ARRDC2: variants seen among roughly 807,000 people sequenced by gnomAD.
ARRDC2 encodes arrestin domain-containing protein 2.
ARRDC2 carries 39 observed loss-of-function variants against 38.9 expected under a neutral mutation model. The observed-to-expected ratio is 1.00, with a 90% confidence interval of 0.78 to 1.31. ARRDC2 has a LOEUF of 1.31. Ranked by LOEUF, ARRDC2 falls within the 50% of genes most tolerant of loss-of-function variation. The pLI is 0.00. For missense variants in ARRDC2, 553 were observed against 588.4 expected, an observed-to-expected ratio of 0.94 and a Z score of 0.62; for synonymous variants, 300 against 261.9, an observed-to-expected ratio of 1.15 and a Z score of -1.41.
intron 7 of ARRDC2, among the ~76,000 whole-genome samples, chr19:18,012,335 C>G (rs998935787): frequency 1.3e-5 from 2 of 151,676 alleles, no homozygotes; most frequent in Non-Finnish European, 1.5e-5. Flanking sequence ...GCCTGTAATC[C>G]CAGCACTTTG....
intron 7 of ARRDC2, among the ~76,000 whole-genome samples, chr19:18,012,453 G>A (rs1260745868): frequency 6.6e-6 from 1 of 152,018 alleles, no homozygotes; most frequent in African/African-American, 2.4e-5. Flanking sequence ...TGGGTGTGGT[G>A]GCATCCACCT....
rs1361921716 is a variant in ARRDC2 at position 18,010,219 on chromosome 19, G to A, written c.873G>A (p.Thr291=). Residue 291 remains threonine, a synonymous_variant, in exon 6 of 8, where the codon ACG becomes ACA. Transcript: ENST00000222250. ...ALKVCVDIPG[T]SKLLLELPLV... is the part of the protein sequence containing the mutation. ...AGGTCTGTGTGGATATCCCAGGAAC[G>A]TCCAAGCTGCTGCTGGAGCTGCCAC... is the stretch of plus-strand genomic sequence containing the variant. The A allele has an allele frequency of 5.0e-6, 8 of 1,613,476 alleles. No individual in the cohort carries two copies. Among genetic ancestry groups the A allele is most frequent in the South Asian group, 1.1e-5 (1 of 91,066 alleles).
chr19:18,007,929 C>T (rs750546436), upstream of ARRDC2: 124 of 332,484 alleles, frequency 3.7e-4, no homozygotes, highest in South Asian at 7.7e-4. Context: ...TTCCTCTTTA[C>T]CCCCGGGGTC....
At position 18,009,806 on chromosome 19, in the gene ARRDC2, G is replaced by T. The variant is rs781293053; in HGVS notation, c.616G>T (p.Glu206Ter). ...AGGAGAGGTCATCCCTGTCTTTGCCGAGATCGACAACGGCTCCACACGTCC... is the reference window on the plus strand; with the variant it reads ...AGGAGAGGTCATCCCTGTCTTTGCCTAGATCGACAACGGCTCCACACGTCC... ...TPGEVIPVFA[E>*]IDNGSTRPVL... The change falls in exon 5 of 8, where the codon GAG becomes TAG. Residue 206 changes from glutamate to a stop codon, truncating the protein, a stop_gained. Transcript: ENST00000222250. LOFTEE classifies it high-confidence loss of function. 1 of 1,612,658 alleles carries T rather than the reference G, an allele frequency of 6.2e-7. No individual in the cohort carries two copies. The highest frequency in any genetic ancestry group is 8.5e-7 in the Non-Finnish European group (1 of 1,179,922).
In ARRDC2 at chr19:18,009,638, G is replaced by C. The variant is rs1254325088; in HGVS notation, c.536G>C (p.Cys179Ser). 1 of 1,610,886 alleles carries C rather than the reference G, an allele frequency of 6.2e-7. No homozygotes were observed. Among genetic ancestry groups the C allele is most frequent in the Non-Finnish European group, 8.5e-7 (1 of 1,177,674 alleles). The change falls in exon 4 of 8, where the codon TGT (cysteine) becomes TCT (serine). Residue 179 changes from cysteine to serine, a missense_variant. By Grantham distance (112) the Cys-to-Ser change is moderately radical. Transcript: ENST00000222250. Reference sequence around the variant, plus strand: ...GAAAAGGTTGCCCGATCCTGGTACTGTAACCGTGGCCTAGTCTCCCTTTCG... The same window carrying C: ...GAAAAGGTTGCCCGATCCTGGTACTCTAACCGTGGCCTAGTCTCCCTTTCG... ...AREKVARSWY[C>S]NRGLVSLSAK...
exon 1 of ARRDC2, chr19:18,001,159 C>T (rs968616460): frequency 2.4e-6 from 2 of 816,414 alleles, no homozygotes; most frequent in Non-Finnish European, 3.1e-6. Flanking sequence ...GACGCGCCCG[C>T]CCTGGGCCAC....
At chr19:18,001,594 C>G in intron 1 of ARRDC2, 1 of 1,305,044 alleles carries the variant, frequency 7.7e-7, no homozygotes, top group Non-Finnish European at 9.8e-7. Context: ...CGTCGCGCCG[C>G]CCCCGCAGCA....
chr19:18,010,437 G>C, intron 6 of ARRDC2, 79 bp downstream of exon 6: 2 of 1,562,098 alleles, frequency 1.3e-6, no homozygotes, highest in Non-Finnish European at 1.7e-6. Context: ...CTCTCACCAC[G>C]AGTCCCCCGG....
chr19:18,013,154 T>TA lies in ARRDC2; in HGVS notation c.*189dup. Reference sequence around the variant, plus strand: ...GGAAGAGCCCGGCTGGAATCTGACTTACCTGGACCGCTGTCCTTGTGAGGC... The same window carrying TA: ...GGAAGAGCCCGGCTGGAATCTGACTTAACCTGGACCGCTGTCCTTGTGAGGC... On this transcript the variant is annotated 3_prime_UTR_variant, in exon 8 of 8. Transcript: ENST00000222250. 2 of 608,634 alleles carry TA rather than the reference T, an allele frequency of 3.3e-6. No homozygotes were observed. The highest frequency in any genetic ancestry group is 5.9e-5 in the Admixed American group (2 of 33,780). The allele number at this position is 608,634 out of a possible 1,614,324, so 37.7% of individuals were successfully genotyped here.
chr19:18,011,148 C>T (rs2033403880), intron 7 of ARRDC2, among the ~76,000 whole-genome samples: 1 of 152,178 alleles, frequency 6.6e-6, no homozygotes, highest in South Asian at 2.1e-4. Context: ...CAGGTGTTAG[C>T]CACCACACGT....
At chr19:18,010,491 C>T (rs1013335375) in intron 6 of ARRDC2, 81 bp from the exon 7 acceptor site, 3 of 1,564,898 alleles carry the variant, frequency 1.9e-6, no homozygotes, top group South Asian at 2.3e-5. Context: ...CCAGAGCTGG[C>T]ACAAGCCAGC....
upstream of ARRDC2, among the ~76,000 whole-genome samples, chr19:18,005,964 C>G (rs547989307): frequency 8.8e-5 from 12 of 136,844 alleles, no homozygotes; most frequent in Non-Finnish European, 1.3e-4. Flanking sequence ...GCGGCCGGGC[C>G]GAGGCTCTCC....
At chr19:18,006,597 A>C (rs551184881), upstream of ARRDC2, among the ~76,000 whole-genome samples, 2 of 151,688 alleles carry the variant, frequency 1.3e-5, no homozygotes, top group East Asian at 3.9e-4. Flanking sequence ...TCGGCATGAG[A>C]GGGAGACCGT....
At chr19:18,004,409 G>A (rs1182452919), upstream of ARRDC2, among the ~76,000 whole-genome samples, 4 of 148,192 alleles carry the variant, frequency 2.7e-5, no homozygotes, top group African/African-American at 7.4e-5. Context: ...CACCACACCC[G>A]GTAAATTTTG....
rs915910398 is a variant in ARRDC2 at position 18,011,818 on chromosome 19, T to G, written c.1170+1089T>G. On this transcript the variant is annotated intron_variant, in intron 7 of 7. Coordinates refer to ENST00000222250, the MANE Select transcript of ARRDC2 (RefSeq NM_015683.2). ...AGGCTGCAGTGAGCAATGATTGTGCTACTACATACTCCAGTCTGGGAGACA... is the reference window on the plus strand; with the variant it reads ...AGGCTGCAGTGAGCAATGATTGTGCGACTACATACTCCAGTCTGGGAGACA... Among the ~76,000 whole-genome samples, 10 of 151,690 alleles carry G rather than the reference T, an allele frequency of 6.6e-5. 1 individual carries two copies. The highest frequency in any genetic ancestry group is 6.6e-4 in the Admixed American group (10 of 15,206).
upstream of ARRDC2, among the ~76,000 whole-genome samples, chr19:18,006,512 G>C (rs1347479998): frequency 2.0e-5 from 3 of 152,182 alleles, no homozygotes; most frequent in East Asian, 3.8e-4. Context: ...GCAGGCACTC[G>C]GCAGGCTGAG....
intron 7 of ARRDC2, among the ~76,000 whole-genome samples, chr19:18,011,952 A>ATATTT (rs1408676551): frequency 3.0e-5 from 3 of 100,752 alleles, no homozygotes; most frequent in African/African-American, 8.5e-5. Context: ...ATATATATAT[A>ATATTT]TTTTTTTTTT....
At chr19:18,006,232 G>A (rs2033275289), upstream of ARRDC2, among the ~76,000 whole-genome samples, 1 of 151,994 alleles carries the variant, frequency 6.6e-6, no homozygotes, top group South Asian at 2.1e-4. Flanking sequence ...GGTGGCGGCC[G>A]GGCAGAGGCT....
At chr19:18,008,799 G>A (rs1275167440) in intron 2 of ARRDC2, 22 bp downstream of exon 2, 3 of 1,612,228 alleles carry the variant, frequency 1.9e-6, no homozygotes, top group Non-Finnish European at 2.5e-6. Flanking sequence ...GGGGTGCAGG[G>A]TTGCCCTAAG....
Sources: gnomAD v4.1 joint callset for allele counts (sites outside exome capture counted in the v4.1 genomes callset) on GRCh38, gnomAD v4.1.1 for gene constraint, MANE v1.5 for transcripts, NCBI Gene and HGNC (gene_info 2026-07-23, HGNC 2026-07-21) for gene names.